Variants in KATNBL1 observed in about 807,000 individuals in gnomAD.
The protein encoded by KATNBL1 is katanin regulatory subunit B1 like 1.
In KATNBL1, 28 loss-of-function variants were observed where a neutral mutation model predicts 44.7. The ratio of observed to expected loss-of-function variants is 0.63; its 90% confidence interval spans 0.46 to 0.86. KATNBL1 has a LOEUF of 0.86. Among genes scored for constraint, KATNBL1 ranks in the 40% least tolerant of loss-of-function variants. KATNBL1 has a pLI of 0.00. For synonymous variants in KATNBL1, 78 were observed against 114.9 expected, an observed-to-expected ratio of 0.68 and a Z score of 2.06; for missense variants, 272 against 350.7, an observed-to-expected ratio of 0.78 and a Z score of 1.79.
At chr15:34,170,426 T>G (rs1297925188) in intron 1 of KATNBL1, among the ~76,000 whole-genome samples, 2 of 152,032 alleles carry the variant, frequency 1.3e-5, no homozygotes, top group Non-Finnish European at 2.9e-5. Flanking sequence ...CACTGCTCAA[T>G]GAAATGAAAG....
At chr15:34,174,637 G>T (rs1387034015) in intron 1 of KATNBL1, among the ~76,000 whole-genome samples, 9 of 151,772 alleles carry the variant, frequency 5.9e-5, no homozygotes, top group African/African-American at 2.2e-4. Context: ...TAAAAGGAAG[G>T]GGGGAAAAAA....
chr15:34,164,510 C>T (rs1888905601), intron 1 of KATNBL1, among the ~76,000 whole-genome samples: 1 of 141,106 alleles, frequency 7.1e-6, no homozygotes. Flanking sequence ...CAAAGCTCTC[C>T]TCTACCTTTG....
chr15:34,154,915 G>A, intron 2 of KATNBL1: 2 of 527,194 alleles, frequency 3.8e-6, no homozygotes, highest in Non-Finnish European at 3.4e-6. Context: ...GCTAGGGTTG[G>A]ACCGCACAGT....
intron 1 of KATNBL1, among the ~76,000 whole-genome samples, chr15:34,193,104 C>A (rs1597459890): frequency 6.7e-6 from 1 of 150,292 alleles, no homozygotes; most frequent in African/African-American, 2.4e-5. Context: ...GTGGTCCCAG[C>A]TACTCGGGAG....
At chr15:34,143,036 A>C in intron 9 of KATNBL1, 1 of 1,258,844 alleles carries the variant, frequency 7.9e-7, no homozygotes, top group Non-Finnish European at 1.0e-6. Context: ...TATACTCAAA[A>C]AATTACAAAT....
At chr15:34,149,952 C>A (rs557743202) in intron 4 of KATNBL1, among the ~76,000 whole-genome samples, 4 of 152,302 alleles carry the variant, frequency 2.6e-5, no homozygotes, top group Non-Finnish European at 5.9e-5. Flanking sequence ...CTGGTTTTTA[C>A]CTATCAAAAC....
intron 1 of KATNBL1, among the ~76,000 whole-genome samples, chr15:34,196,932 G>A (rs1217676121): frequency 2.0e-5 from 3 of 152,140 alleles, no homozygotes; most frequent in African/African-American, 7.2e-5. Flanking sequence ...CCTTTGTCCA[G>A]ACTACCCAAA....
At chr15:34,145,347 A>C (rs1246085864) in intron 9 of KATNBL1, 51 bp downstream of exon 9, 1 of 1,331,698 alleles carries the variant, frequency 7.5e-7, no homozygotes, top group African/African-American at 1.5e-5. Flanking sequence ...TAAATGTAAA[A>C]TATTATTTCT....
chr15:34,153,945 C>CA (rs890647686), intron 3 of KATNBL1, among the ~76,000 whole-genome samples: 1 of 151,816 alleles, frequency 6.6e-6, no homozygotes, highest in African/African-American at 2.4e-5. Context: ...TTAATTCATT[C>CA]AAAAAAAGAC....
intron 1 of KATNBL1, among the ~76,000 whole-genome samples, chr15:34,184,697 C>T (rs1258845621): frequency 2.0e-5 from 3 of 149,948 alleles, no homozygotes; most frequent in Non-Finnish European, 4.4e-5. Context: ...CTCAGCCTCC[C>T]GAGTAGCTGG....
At chr15:34,168,316 C>G (rs1889048812) in intron 1 of KATNBL1, among the ~76,000 whole-genome samples, 1 of 151,774 alleles carries the variant, frequency 6.6e-6, no homozygotes, top group Non-Finnish European at 1.5e-5. Context: ...AGACTTTAAG[C>G]CAACAAAGAT....
chr15:34,146,658 T>C (rs894687279), intron 8 of KATNBL1, 103 bp downstream of exon 8: 7 of 701,116 alleles, frequency 1.0e-5, no homozygotes, highest in Non-Finnish European at 1.8e-5. Context: ...AAAGAATAAA[T>C]ACCATACACT....
At chr15:34,175,016 G>A (rs1000025606) in intron 1 of KATNBL1, among the ~76,000 whole-genome samples, 3 of 151,968 alleles carry the variant, frequency 2.0e-5, no homozygotes, top group Non-Finnish European at 4.4e-5. Flanking sequence ...GTAGGCTGAC[G>A]AGGCAGGAGG....
intron 1 of KATNBL1, among the ~76,000 whole-genome samples, chr15:34,166,847 GA>G (rs1888992897): frequency 6.6e-6 from 1 of 152,202 alleles, no homozygotes; most frequent in Non-Finnish European, 1.5e-5. Flanking sequence ...ACCTGCAGCT[GA>G]GGGGCCTGTC....
At chr15:34,194,421 C>T (rs1313366255) in intron 1 of KATNBL1, among the ~76,000 whole-genome samples, 1 of 151,776 alleles carries the variant, frequency 6.6e-6, no homozygotes, top group East Asian at 1.9e-4. Flanking sequence ...CCAGCCTGGG[C>T]AACATACTGA....
chr15:34,166,780 T>G (rs1395238094), intron 1 of KATNBL1, among the ~76,000 whole-genome samples: 1 of 152,208 alleles, frequency 6.6e-6, no homozygotes, highest in African/African-American at 2.4e-5. Flanking sequence ...CTGCAGCCTC[T>G]GCTGGTGATA....
At chr15:34,191,340 C>T (rs1339677426) in intron 1 of KATNBL1, among the ~76,000 whole-genome samples, 2 of 151,860 alleles carry the variant, frequency 1.3e-5, no homozygotes, top group African/African-American at 4.8e-5. Context: ...TATTCACCTA[C>T]TGATGGACAT....
chr15:34,184,576 C>CTTTTCTTTTTTTTTTTTTT (rs760395860), intron 1 of KATNBL1, among the ~76,000 whole-genome samples: 1 of 95,258 alleles, frequency 1.0e-5, no homozygotes, highest in Non-Finnish European at 1.9e-5. Context: ...CCTAATGTTT[C>CTTTTCTTTTTTTTTTTTTT]TTTTTTTTTT....
At chr15:34,176,647 T>G (rs1889342323) in intron 1 of KATNBL1, among the ~76,000 whole-genome samples, 1 of 152,198 alleles carries the variant, frequency 6.6e-6, no homozygotes, top group Admixed American at 6.5e-5. Context: ...CACAATTCTG[T>G]GTACACTTAC....
Sources: allele counts gnomAD v4.1 joint callset (sites outside exome capture counted in the v4.1 genomes callset), GRCh38; gene constraint gnomAD v4.1.1; transcripts MANE v1.5; gene names NCBI Gene and HGNC (gene_info 2026-07-23, HGNC 2026-07-21).